Variants in CD44 observed in about 807,000 individuals in gnomAD.
CD44 encodes the protein CD44 antigen.
A neutral mutation model predicts 88.8 loss-of-function variants in CD44; 49 were observed. The observed-to-expected ratio is 0.55, with a 90% CI of 0.44 to 0.70. CD44 has a LOEUF of 0.70. Among genes scored for constraint, CD44 ranks in the 30% least tolerant of loss-of-function variants. The probability of loss-of-function intolerance (pLI) is 0.00; values close to 1 mark genes in which losing one functional copy is unlikely to be tolerated. For synonymous variants in CD44, 325 were observed against 312.3 expected, an observed-to-expected ratio of 1.04 and a Z score of -0.43; for missense variants, 883 against 913.8, an observed-to-expected ratio of 0.97 and a Z score of 0.43.
At chr11:35,181,886 C>CATG (rs571884198) in intron 3 of CD44, among the ~76,000 whole-genome samples, 1 of 53,816 alleles carries the variant, frequency 1.9e-5, no homozygotes. Flanking sequence ...ATATATAATT[C>CATG]TATATATAAT....
At chr11:35,189,176 T>C (rs1359842377) in intron 4 of CD44, among the ~76,000 whole-genome samples, 2 of 152,208 alleles carry the variant, frequency 1.3e-5, no homozygotes, top group Non-Finnish European at 2.9e-5. Context: ...GATCTTCATG[T>C]ATATCTGTGC....
intron 9 of CD44, among the ~76,000 whole-genome samples, chr11:35,203,102 T>C (rs16927073): frequency 0.029 from 4,458 of 152,266 alleles, 227 homozygotes; most frequent in African/African-American, 0.1. Context: ...ATCTTATGAA[T>C]ATTTGCGAAA....
Position 35,206,150 on chromosome 11 carries a change from A to G in CD44, c.1321A>G (p.Thr441Ala), listed in dbSNP as rs1160615544. The G allele has an allele frequency of 6.2e-7, 1 of 1,612,234 alleles. No individual in the cohort carries two copies. The highest frequency in any genetic ancestry group is 1.1e-5 in the South Asian group (1 of 90,816). ...AHTSHPMQGR[T>A]TPSPEDSSWT... ...TACCAGCCATCCAATGCAAGGAAGG[A>G]CAACACCAAGCCCAGAGGACAGTTC... The change falls in exon 11 of 18, where the codon ACA (threonine) becomes GCA (alanine). Residue 441 changes from threonine (T) to alanine (A), a missense_variant. Thr to Ala is a moderately conservative substitution (Grantham distance 58). Transcript: ENST00000428726.
chr11:35,178,339 C>T (rs1275645517), intron 2 of CD44, among the ~76,000 whole-genome samples: 1 of 152,240 alleles, frequency 6.6e-6, no homozygotes, highest in Non-Finnish European at 1.5e-5. Context: ...CCCTACTGCC[C>T]ACCTGGCCAA....
chr11:35,147,956 T>G (rs1859512320), intron 1 of CD44, among the ~76,000 whole-genome samples: 1 of 152,084 alleles, frequency 6.6e-6, no homozygotes, highest in South Asian at 2.1e-4. Context: ...CCGGGCATGG[T>G]GGTGCATGCC....
At chr11:35,207,557 C>T (rs139033082) in intron 11 of CD44, among the ~76,000 whole-genome samples, 8 of 152,208 alleles carry the variant, frequency 5.3e-5, no homozygotes, top group African/African-American at 1.4e-4. Context: ...AATTCAATGA[C>T]GTCCACTGCT....
chr11:35,208,977 G>A (rs771962139), intron 12 of CD44, among the ~76,000 whole-genome samples: 4 of 152,208 alleles, frequency 2.6e-5, no homozygotes, highest in Non-Finnish European at 4.4e-5. Flanking sequence ...GGTCAGCAAT[G>A]TAAATAGCAC....
intron 7 of CD44, chr11:35,198,503 G>T (rs1262505854): frequency 4.6e-6 from 2 of 432,396 alleles, no homozygotes; most frequent in South Asian, 4.2e-5. Context: ...GCTACAGATT[G>T]TCTTTGAATG....
chr11:35,140,950 G>A (rs1350352355), intron 1 of CD44, among the ~76,000 whole-genome samples: 2 of 150,226 alleles, frequency 1.3e-5, no homozygotes, highest in South Asian at 2.2e-4. Flanking sequence ...GAACCTAGGA[G>A]GTGAAGGTTG....
chr11:35,142,337 A>G (rs1858158620), intron 1 of CD44, among the ~76,000 whole-genome samples: 1 of 152,154 alleles, frequency 6.6e-6, no homozygotes, highest in African/African-American at 2.4e-5. Flanking sequence ...ATGCTGCTAT[A>G]AAGACACATG....
chr11:35,153,752 T>C (rs144782052), intron 1 of CD44, among the ~76,000 whole-genome samples: 54 of 152,294 alleles, frequency 3.5e-4, no homozygotes, highest in African/African-American at 1.3e-3. Flanking sequence ...GAGAGCATAA[T>C]AGGGAGATCT....
intron 1 of CD44, among the ~76,000 whole-genome samples, chr11:35,160,626 C>T (rs1180742649): frequency 2.0e-5 from 3 of 152,174 alleles, no homozygotes; most frequent in Non-Finnish European, 2.9e-5. Context: ...CAACTCTGTT[C>T]TTGTCTGATA....
intron 2 of CD44, among the ~76,000 whole-genome samples, chr11:35,177,573 C>A (rs371412476): frequency 1.4e-4 from 22 of 152,324 alleles, no homozygotes; most frequent in African/African-American, 5.3e-4. Flanking sequence ...ATATGATTCC[C>A]CTTTCTCTGC....
At chr11:35,142,242 G>A (rs1858131772) in intron 1 of CD44, among the ~76,000 whole-genome samples, 1 of 151,964 alleles carries the variant, frequency 6.6e-6, no homozygotes, top group Non-Finnish European at 1.5e-5. Context: ...AAGTCAGTGT[G>A]GCGATTCCTC....
chr11:35,202,568 G>C (rs1176597049), intron 9 of CD44, among the ~76,000 whole-genome samples: 3 of 152,144 alleles, frequency 2.0e-5, no homozygotes, highest in Non-Finnish European at 4.4e-5. Context: ...TTTTTAAAAT[G>C]ATGACCCAAC....
intron 1 of CD44, among the ~76,000 whole-genome samples, chr11:35,175,071 A>G (rs180757072): frequency 4.6e-5 from 7 of 152,196 alleles, no homozygotes; most frequent in Non-Finnish European, 8.8e-5. Flanking sequence ...AAAATTCTGA[A>G]TGATAAAAAA....
chr11:35,169,413 AACACACAC>A (rs5791036), intron 1 of CD44, among the ~76,000 whole-genome samples: 13,157 of 149,028 alleles, frequency 0.088, 669 homozygotes, highest in Admixed American at 0.16. Context: ...GCCCTACCTA[AACACACAC>A]ACACACACAC....
At chr11:35,201,034 G>A (rs765065561) in intron 7 of CD44, 48 bp from the exon 8 acceptor site, 5 of 1,348,122 alleles carry the variant, frequency 3.7e-6, no homozygotes, top group Non-Finnish European at 5.3e-6. Context: ...AGTGGCGAAG[G>A]CTCAAGAAAT....
intron 12 of CD44, 57 bp downstream of exon 12, chr11:35,208,263 C>A: frequency 8.5e-7 from 1 of 1,181,564 alleles, no homozygotes; most frequent in Non-Finnish European, 1.3e-6. Context: ...TCATCTCTTA[C>A]TCGCTATTGG....
Sources: gnomAD v4.1 joint callset for allele counts (sites outside exome capture counted in the v4.1 genomes callset) on GRCh38, gnomAD v4.1.1 for gene constraint, MANE v1.5 for transcripts, NCBI Gene and HGNC (gene_info 2026-07-23, HGNC 2026-07-21) for gene names.